CAPN9: variants seen among roughly 807,000 people sequenced by gnomAD.
The protein encoded by CAPN9 is calpain 9, also known as calpain-9.
Under a neutral mutation model 92.8 loss-of-function variants are expected in CAPN9, and 81 were observed. The observed-to-expected ratio is 0.87, with a 90% confidence interval of 0.73 to 1.05. CAPN9 has a LOEUF of 1.05. Ranked by LOEUF, CAPN9 falls within the 50% of genes least tolerant of loss-of-function variation. The pLI is 0.00. For missense variants in CAPN9, 848 were observed against 866.2 expected (o/e 0.98, Z 0.26); for synonymous variants, 304 against 328.0 (o/e 0.93, Z 0.79).
chr1:230,774,739 C>CTTTTTTTTTTTT (rs747512464), intron 8 of CAPN9, 108 bp downstream of exon 8: 6 of 386,390 alleles, frequency 1.6e-5, no homozygotes, highest in East Asian at 4.0e-5. Context: ...TTCTTTCTTT[C>CTTTTTTTTTTTT]TTTTTTTTTT....
chr1:230,748,284 C>G (rs1461287957), intron 1 of CAPN9, among the ~76,000 whole-genome samples: 2 of 152,250 alleles, frequency 1.3e-5, no homozygotes, highest in African/African-American at 4.8e-5. Context: ...TCCCAAGAGG[C>G]ACCAGCTGGT....
At chr1:230,770,859 G>T (rs559630917) in intron 6 of CAPN9, among the ~76,000 whole-genome samples, 1 of 152,268 alleles carries the variant, frequency 6.6e-6, no homozygotes, top group East Asian at 1.9e-4. Context: ...TCCTCTGAAT[G>T]CGTGGGGAGT....
At position 230,780,555 on chromosome 1, in the gene CAPN9, G is replaced by C. The variant is rs757100698; in HGVS notation, c.1328G>C (p.Arg443Pro). 4 of 1,614,014 alleles carry C rather than the reference G, an allele frequency of 2.5e-6. No homozygotes were observed. Among genetic ancestry groups the C allele is most frequent in the African/African-American group, 2.7e-5 (2 of 74,888 alleles). Reference sequence around the variant, plus strand: ...GACTTCTTCAGATACCACGCTTCTCGGGCCAGAAGCAAGACGTTCATCAAC... The same window carrying C: ...GACTTCTTCAGATACCACGCTTCTCCGGCCAGAAGCAAGACGTTCATCAAC... ...NKDFFRYHAS[R>P]ARSKTFINLR... is the part of the protein sequence containing the mutation. Residue 443 changes from arginine to proline, a missense_variant, in exon 11 of 20, where the codon CGG becomes CCG. By Grantham distance (103) the Arg-to-Pro change is moderately radical (BLOSUM62 -2). Coordinates refer to ENST00000271971, the MANE Select transcript of CAPN9 (RefSeq NM_006615.3).
chr1:230,797,882 T>C (rs965880756), intron 18 of CAPN9, among the ~76,000 whole-genome samples: 14 of 152,188 alleles, frequency 9.2e-5, no homozygotes, highest in African/African-American at 3.4e-4. Flanking sequence ...AAGGTTAAGA[T>C]AGGGGCGTTG....
Position 230,792,876 on chromosome 1 carries a change from C to T in CAPN9, c.1818C>T (p.Asp606=). 1 of 1,614,102 alleles carries T rather than the reference C, an allele frequency of 6.2e-7. No individual in the cohort carries two copies. The highest frequency in any genetic ancestry group is 8.5e-7 in the Non-Finnish European group (1 of 1,179,950). ...ACCTTTTCCTTCGGTTTGATGCTGA[C>T]AAGTCCGGCACCATGTCTACCTATG... ...WINLFLRFDA[D]KSGTMSTYEL... Residue 606 remains aspartate, a synonymous_variant, in exon 17 of 20, where the codon GAC becomes GAT. Coordinates refer to ENST00000271971, the MANE Select transcript of CAPN9 (RefSeq NM_006615.3).
Position 230,762,641 on chromosome 1 carries a change from C to T in CAPN9, c.403-12C>T, listed in dbSNP as rs571217555. 1.2e-5 allele frequency: 19 copies of T among 1,612,228 alleles called. No homozygotes were observed. The African/African-American group carries it at 2.4e-4, about 20-fold the overall frequency. On this transcript the variant is annotated splice_polypyrimidine_tract_variant and intron_variant, in intron 3 of 19. Coordinates refer to ENST00000271971, the MANE Select transcript of CAPN9 (RefSeq NM_006615.3). ...TGACTCGCATCATTTCTGTCTTTTT[C>T]CTGGGCAACAGTTCTGGCAGCACAG...
At chr1:230,774,739 C>CTTTTT (rs747512464) in intron 8 of CAPN9, 108 bp downstream of exon 8, 18 of 386,360 alleles carry the variant, frequency 4.7e-5, no homozygotes, top group Non-Finnish European at 6.0e-5. Flanking sequence ...TTCTTTCTTT[C>CTTTTT]TTTTTTTTTT....
intron 1 of CAPN9, among the ~76,000 whole-genome samples, chr1:230,753,856 C>CCCTCCCTCCCTCCCTT (rs773336360): frequency 8.1e-6 from 1 of 123,794 alleles, no homozygotes; most frequent in Non-Finnish European, 1.8e-5. Context: ...CTCCCTCCCT[C>CCCTCCCTCCCTCCCTT]CCTCCCTCCC....
At chr1:230,760,941 T>C (rs1478023105) in intron 3 of CAPN9, among the ~76,000 whole-genome samples, 1 of 152,136 alleles carries the variant, frequency 6.6e-6, no homozygotes, top group African/African-American at 2.4e-5. Context: ...GGAACAGTGT[T>C]CTTGTCCCTT....
chr1:230,759,666 C>T (rs1665505156), intron 3 of CAPN9, 36 bp downstream of exon 3: 1 of 1,405,612 alleles, frequency 7.1e-7, no homozygotes, highest in Non-Finnish European at 9.8e-7. Context: ...GTTTACCTCT[C>T]TGGGGCCCGG....
At position 230,747,404 on chromosome 1, in the gene CAPN9, G is replaced by C; in HGVS notation, c.-93G>C. On this transcript the variant is annotated 5_prime_UTR_variant, in exon 1 of 20. Transcript: ENST00000271971. ...GGGCCACTCAGCCCAGTGGCCCTCT[G>C]AGCTGTTCCTTCTTGACCGGCACAC... The C allele has an allele frequency of 2.6e-6, 3 of 1,133,156 alleles. No homozygotes were observed. The highest frequency in any genetic ancestry group is 4.0e-6 in the Non-Finnish European group (3 of 747,514). The allele number at this position is 1,133,156 out of a possible 1,614,324, so 70.2% of individuals were successfully genotyped here.
intron 1 of CAPN9, 129 bp downstream of exon 1, chr1:230,747,838 C>T: frequency 1.2e-6 from 1 of 801,620 alleles, no homozygotes; most frequent in Non-Finnish European, 2.1e-6. Flanking sequence ...TCATCCCAGT[C>T]TACCGTGGAA....
chr1:230,755,548 C>A, intron 2 of CAPN9, 142 bp downstream of exon 2: 1 of 609,636 alleles, frequency 1.6e-6, no homozygotes, highest in Non-Finnish European at 2.9e-6. Flanking sequence ...TCCTCACTCC[C>A]TCTGAATGGA....
At chr1:230,785,888 C>T in intron 11 of CAPN9, 93 bp from the exon 12 acceptor site, 5 of 1,255,048 alleles carry the variant, frequency 4.0e-6, no homozygotes, top group Non-Finnish European at 5.8e-6. Flanking sequence ...TTCAAAGGGA[C>T]AGAACCTTCC....
intron 7 of CAPN9, 27 bp from the exon 8 acceptor site, chr1:230,774,527 C>G (rs375795917): frequency 6.5e-7 from 1 of 1,545,376 alleles, no homozygotes; most frequent in Admixed American, 1.7e-5. Context: ...TGACCTCTGC[C>G]TGAACACCAA....
In CAPN9 at chr1:230,780,494, T is replaced by C; in HGVS notation, c.1273-6T>C. 6.2e-7 allele frequency: 1 copy of C among 1,613,828 alleles called. No individual in the cohort carries two copies. Among genetic ancestry groups the C allele is most frequent in the Middle Eastern group, 1.7e-4 (1 of 6,042 alleles). On this transcript the variant is annotated splice_region_variant and splice_polypyrimidine_tract_variant and intron_variant, in intron 10 of 19. Coordinates refer to ENST00000271971, the MANE Select transcript of CAPN9 (RefSeq NM_006615.3). ...AGGAAACCCCTCCCTTTCTTGCCCA[T>C]TGCAGTGCCCTGACAAAGACGAACA...
rs1293072764 is a variant in CAPN9, at chr1:230,791,856, A to G, written c.1658-8A>G. The G allele has an allele frequency of 4.3e-6, 7 of 1,611,580 alleles. No homozygotes were observed. The South Asian group carries it at 7.7e-5, about 18-fold the overall frequency. ...TCAACTGAATTCAGCTTTCATGTGCAATTTCAGAAAAGGACATCAAATTCA... is the reference window on the plus strand; with the variant it reads ...TCAACTGAATTCAGCTTTCATGTGCGATTTCAGAAAAGGACATCAAATTCA... On this transcript the variant is annotated splice_region_variant and splice_polypyrimidine_tract_variant and intron_variant, in intron 14 of 19. Coordinates refer to ENST00000271971, the MANE Select transcript of CAPN9 (RefSeq NM_006615.3).
chr1:230,787,552 A>G lies in CAPN9; in HGVS notation c.1549A>G (p.Thr517Ala), dbSNP rs200997303. The G allele has an allele frequency of 5.7e-5, 92 of 1,613,864 alleles. No homozygotes were observed. The highest frequency in any genetic ancestry group is 7.8e-5 in the Non-Finnish European group (92 of 1,179,960). The stretch of plus-strand genomic sequence containing the variant: ...AAAGCCAACTCCACCTGACCAGGAG[A>G]CAGAGGAGGAGCAGCGGTTTCGGGC... ...PPKPTPPDQE[T>A]EEEQRFRALF... The change falls in exon 13 of 20, where the codon ACA becomes GCA. Residue 517 changes from threonine to alanine, a missense_variant. By Grantham distance (58) the Thr-to-Ala change is moderately conservative. Transcript: ENST00000271971.
At chr1:230,758,453 G>GC (rs1187231172) in intron 2 of CAPN9, among the ~76,000 whole-genome samples, 1 of 152,210 alleles carries the variant, frequency 6.6e-6, no homozygotes, top group Admixed American at 6.5e-5. Context: ...CCAAAGACCA[G>GC]CAGATGCATT....
Sources: gnomAD v4.1 joint callset for allele counts (sites outside exome capture counted in the v4.1 genomes callset) on GRCh38, gnomAD v4.1.1 for gene constraint, MANE v1.5 for transcripts, NCBI Gene and HGNC (gene_info 2026-07-23, HGNC 2026-07-21) for gene names.